Variants in TBC1D22A observed in about 807,000 individuals in gnomAD.
TBC1D22A encodes the protein putative GTPase activator.
TBC1D22A carries 38 observed loss-of-function variants against 60.2 expected under a neutral mutation model. The observed-to-expected ratio is 0.63, with a 90% CI of 0.49 to 0.83. The LOEUF (loss-of-function observed/expected upper bound fraction) is 0.83, where lower values mean the gene tolerates loss of function less well. Among genes scored for constraint, TBC1D22A ranks in the 40% least tolerant of loss-of-function variants. The pLI, the probability that TBC1D22A is intolerant of heterozygous loss-of-function variation, is 0.00. For missense variants in TBC1D22A, 628 were observed against 701.0 expected, an observed-to-expected ratio of 0.90 and a Z score of 1.18; for synonymous variants, 302 against 281.7, an observed-to-expected ratio of 1.07 and a Z score of -0.72.
At chr22:46,875,247 G>A (rs2067496691) in intron 4 of TBC1D22A, among the ~76,000 whole-genome samples, 1 of 152,182 alleles carries the variant, frequency 6.6e-6, no homozygotes, top group Non-Finnish European at 1.5e-5. Flanking sequence ...CTGGCAACAT[G>A]TGTGACTCTT....
intron 11 of TBC1D22A, among the ~76,000 whole-genome samples, chr22:47,071,875 G>A (rs894356097): frequency 5.9e-5 from 9 of 152,140 alleles, no homozygotes; most frequent in African/African-American, 2.2e-4. Flanking sequence ...CTCTCCCTGG[G>A]TTGTGATGAT....
chr22:46,909,295 T>TACACGC (rs1555942208), intron 7 of TBC1D22A, among the ~76,000 whole-genome samples: 2 of 150,508 alleles, frequency 1.3e-5, no homozygotes, highest in South Asian at 2.1e-4. Flanking sequence ...CCTATACACA[T>TACACGC]ACACACACAC....
At chr22:47,053,500 G>T (rs2063293356) in intron 11 of TBC1D22A, among the ~76,000 whole-genome samples, 1 of 152,248 alleles carries the variant, frequency 6.6e-6, no homozygotes, top group African/African-American at 2.4e-5. Context: ...GCTCCCCAGT[G>T]CCCTTGAAGG....
chr22:46,997,093 ACTT>A (rs373765047), intron 9 of TBC1D22A, among the ~76,000 whole-genome samples: 37 of 152,252 alleles, frequency 2.4e-4, no homozygotes, highest in African/African-American at 8.9e-4. Context: ...TAGTGTCTGA[ACTT>A]CACCTGAGTT....
intron 11 of TBC1D22A, among the ~76,000 whole-genome samples, chr22:47,081,434 A>T (rs2147564196): frequency 6.6e-6 from 1 of 152,324 alleles, no homozygotes; most frequent in African/African-American, 2.4e-5. Context: ...GGTGAGAACC[A>T]GGCAAGAATT....
chr22:47,035,367 G>C (rs1048395973), intron 10 of TBC1D22A, among the ~76,000 whole-genome samples: 35 of 152,310 alleles, frequency 2.3e-4, no homozygotes, highest in Non-Finnish European at 1.8e-4. Context: ...GCAGTCCTGT[G>C]GGTCGTGGGC....
chr22:46,913,268 G>T, intron 8 of TBC1D22A: 3 of 1,217,676 alleles, frequency 2.5e-6, no homozygotes, highest in Non-Finnish European at 3.3e-6. Flanking sequence ...ATTTAAACCT[G>T]GTTTTGTCTT....
intron 4 of TBC1D22A, among the ~76,000 whole-genome samples, chr22:46,829,864 G>GT (rs2086234339): frequency 6.6e-6 from 1 of 152,182 alleles, no homozygotes; most frequent in African/African-American, 2.4e-5. Flanking sequence ...TGTAGGAACT[G>GT]TGTGTGTTGA....
intron 11 of TBC1D22A, among the ~76,000 whole-genome samples, chr22:47,050,061 G>A (rs140544): frequency 0.66 from 100,732 of 151,898 alleles, 33,773 homozygotes; most frequent in East Asian, 0.92. Context: ...CTTGAGTGCA[G>A]TGGCTCGATC....
At chr22:46,765,963 G>A (rs1227272039) in intron 1 of TBC1D22A, among the ~76,000 whole-genome samples, 7 of 19,682 alleles carry the variant, frequency 3.6e-4, no homozygotes, top group African/African-American at 1.5e-3. Context: ...ATTTATGTGT[G>A]TGTGTGTGTG....
At chr22:46,765,895 T>C (rs1477436924) in intron 1 of TBC1D22A, among the ~76,000 whole-genome samples, 2 of 150,520 alleles carry the variant, frequency 1.3e-5, no homozygotes, top group Non-Finnish European at 3.0e-5. Context: ...GAAGCAGTTC[T>C]CCTGCCTCAG....
chr22:46,822,229 C>A (rs1254524978), intron 4 of TBC1D22A, among the ~76,000 whole-genome samples: 5 of 152,096 alleles, frequency 3.3e-5, no homozygotes, highest in African/African-American at 1.2e-4. Context: ...TCTGCTGAAG[C>A]CTACTCCTGT....
At chr22:46,958,249 C>T (rs949686441) in intron 8 of TBC1D22A, among the ~76,000 whole-genome samples, 2 of 152,120 alleles carry the variant, frequency 1.3e-5, no homozygotes, top group Admixed American at 6.5e-5. Flanking sequence ...TTGATCAGGT[C>T]CATTCAGTCC....
At chr22:46,854,865 G>A (rs1478301743) in intron 4 of TBC1D22A, among the ~76,000 whole-genome samples, 1 of 152,172 alleles carries the variant, frequency 6.6e-6, no homozygotes, top group Non-Finnish European at 1.5e-5. Flanking sequence ...TCCAGACATA[G>A]GAACCTGCTG....
intron 8 of TBC1D22A, among the ~76,000 whole-genome samples, chr22:46,948,901 T>C (rs772362400): frequency 3.3e-5 from 5 of 152,322 alleles, no homozygotes; most frequent in Admixed American, 1.3e-4. Flanking sequence ...ATTTACCTTA[T>C]GCAGACTGAA....
chr22:46,785,419 T>C (rs1027450941), intron 1 of TBC1D22A, among the ~76,000 whole-genome samples: 3 of 152,232 alleles, frequency 2.0e-5, no homozygotes, highest in Non-Finnish European at 2.9e-5. Context: ...TAAAACATTA[T>C]AACATCTTCC....
Position 46,990,815 on chromosome 22 carries a change from G to A in TBC1D22A, c.1126-6819G>A, listed in dbSNP as rs1025453899. On this transcript the variant is annotated intron_variant, in intron 9 of 12. Transcript: ENST00000337137. The surrounding 1 kb of genome is among the most constrained non-coding windows in gnomAD (Gnocchi z 4.6). Reference sequence around the variant, plus strand: ...TTGCTGGCTGTCTCCCTCCCGCGCCGGCGTTCGTGACGGCTCTGCTCCTCG... The same window carrying A: ...TTGCTGGCTGTCTCCCTCCCGCGCCAGCGTTCGTGACGGCTCTGCTCCTCG... Among the ~76,000 whole-genome samples the A allele has an allele frequency of 2.0e-5, 3 of 152,190 alleles. No individual in the cohort carries two copies. Among genetic ancestry groups the A allele is most frequent in the African/African-American group, 7.2e-5 (3 of 41,440 alleles).
intron 12 of TBC1D22A, among the ~76,000 whole-genome samples, chr22:47,147,467 C>T (rs1786975676): frequency 6.6e-6 from 1 of 152,150 alleles, no homozygotes; most frequent in South Asian, 2.1e-4. Flanking sequence ...CGGAGGGCTC[C>T]CCAGGGGGCT....
At chr22:47,096,717 G>A (rs1164257547) in intron 11 of TBC1D22A, among the ~76,000 whole-genome samples, 2 of 152,200 alleles carry the variant, frequency 1.3e-5, no homozygotes, top group East Asian at 1.9e-4. Context: ...AGCTACTTGG[G>A]AGGCTGAGGC....
Sources: gnomAD v4.1 joint callset for allele counts (sites outside exome capture counted in the v4.1 genomes callset) on GRCh38, gnomAD v4.1.1 for gene constraint, Gnocchi (gnomAD v3.1) non-coding constraint, MANE v1.5 for transcripts, NCBI Gene and HGNC (gene_info 2026-07-23, HGNC 2026-07-21) for gene names.